KCNH7: variants seen among roughly 807,000 people sequenced by gnomAD.
KCNH7 encodes the protein potassium voltage-gated channel subfamily H member 7, also known as voltage-gated inwardly rectifying potassium channel KCNH7.
KCNH7 carries 49 observed loss-of-function variants against 120.8 expected under a neutral mutation model. That is an observed-to-expected ratio of 0.41 (90% CI 0.32 to 0.51). The LOEUF (loss-of-function observed/expected upper bound fraction) is 0.51, where lower values mean the gene tolerates loss of function less well. Ranked by LOEUF, KCNH7 falls within the 20% of genes least tolerant of loss-of-function variation. The pLI, the probability that KCNH7 is intolerant of heterozygous loss-of-function variation, is 0.38. For missense variants in KCNH7, 1,097 were observed against 1,446.6 expected, an observed-to-expected ratio of 0.76 and a Z score of 3.92; for synonymous variants, 547 against 516.1, an observed-to-expected ratio of 1.06 and a Z score of -0.81.
intron 2 of KCNH7, among the ~76,000 whole-genome samples, chr2:162,790,121 TTAAA>T (rs1355546504): frequency 1.3e-5 from 2 of 150,714 alleles, no homozygotes; most frequent in African/African-American, 4.9e-5. Context: ...AAGAGATGAC[TTAAA>T]TAAAATCATA....
intron 2 of KCNH7, among the ~76,000 whole-genome samples, chr2:162,798,592 C>T (rs558089660): frequency 1.3e-5 from 2 of 152,044 alleles, no homozygotes; most frequent in African/African-American, 4.8e-5. Flanking sequence ...AATTTTGGCT[C>T]AAATCAATAT....
At chr2:162,635,406 G>C (rs1301791774) in intron 2 of KCNH7, among the ~76,000 whole-genome samples, 1 of 151,994 alleles carries the variant, frequency 6.6e-6, no homozygotes, top group East Asian at 1.9e-4. Flanking sequence ...TTTCCCTATA[G>C]AACTGTTGCC....
intron 6 of KCNH7, among the ~76,000 whole-genome samples, chr2:162,450,819 G>T (rs1210576583): frequency 6.6e-6 from 1 of 151,978 alleles, no homozygotes; most frequent in Non-Finnish European, 1.5e-5. Flanking sequence ...ATCAAGACCA[G>T]ATACTTAGAG....
chr2:162,556,410 G>A (rs982210687), intron 2 of KCNH7, among the ~76,000 whole-genome samples: 2 of 152,110 alleles, frequency 1.3e-5, no homozygotes, highest in African/African-American at 4.8e-5. Flanking sequence ...AACACTAGCT[G>A]AGATGTGACT....
chr2:162,647,809 A>T (rs1684420599), intron 2 of KCNH7, among the ~76,000 whole-genome samples: 1 of 152,166 alleles, frequency 6.6e-6, no homozygotes, highest in South Asian at 2.1e-4. Flanking sequence ...ATAACAGACT[A>T]ATACATATCC....
intron 2 of KCNH7, among the ~76,000 whole-genome samples, chr2:162,579,482 T>G (rs1382851504): frequency 1.3e-5 from 2 of 152,086 alleles, no homozygotes; most frequent in Non-Finnish European, 2.9e-5. Context: ...ATGAAACTTC[T>G]GTTTTCCTCA....
At chr2:162,635,671 G>A (rs371997699) in intron 2 of KCNH7, among the ~76,000 whole-genome samples, 1 of 151,990 alleles carries the variant, frequency 6.6e-6, no homozygotes, top group East Asian at 1.9e-4. Flanking sequence ...TGTCTTTGTT[G>A]CCTAATGAAA....
intron 2 of KCNH7, among the ~76,000 whole-genome samples, chr2:162,734,707 T>A (rs565708103): frequency 1.5e-4 from 22 of 151,302 alleles, no homozygotes; most frequent in Non-Finnish European, 2.1e-4. Context: ...TTTTTTTTTT[T>A]AATTTCAAAA....
intron 2 of KCNH7, among the ~76,000 whole-genome samples, chr2:162,746,110 A>G (rs1297718279): frequency 6.6e-6 from 1 of 152,130 alleles, no homozygotes; most frequent in Non-Finnish European, 1.5e-5. Context: ...AAAAATAAGT[A>G]TAAAACAATT....
chr2:162,392,229 T>TA (rs962279504), intron 12 of KCNH7, among the ~76,000 whole-genome samples: 5 of 151,968 alleles, frequency 3.3e-5, no homozygotes, highest in South Asian at 2.1e-4. Context: ...TTGACTTTGA[T>TA]AAAAAAAGTA....
chr2:162,690,196 A>G (rs1199158920), intron 2 of KCNH7, among the ~76,000 whole-genome samples: 1 of 152,148 alleles, frequency 6.6e-6, no homozygotes, highest in African/African-American at 2.4e-5. Flanking sequence ...ACTTGGACAC[A>G]TAGAGGGAAA....
At chr2:162,481,206 C>T (rs748733958) in intron 6 of KCNH7, among the ~76,000 whole-genome samples, 2 of 152,106 alleles carry the variant, frequency 1.3e-5, no homozygotes, top group Non-Finnish European at 2.9e-5. Flanking sequence ...ACCACTGTAA[C>T]CAGAGTTTGT....
At chr2:162,448,177 G>A (rs908139781) in intron 6 of KCNH7, among the ~76,000 whole-genome samples, 1 of 151,998 alleles carries the variant, frequency 6.6e-6, no homozygotes, top group Non-Finnish European at 1.5e-5. Context: ...AAATCCAAAC[G>A]GGAGTAATTA....
intron 2 of KCNH7, among the ~76,000 whole-genome samples, chr2:162,831,221 A>G (rs1192895053): frequency 1.3e-5 from 2 of 152,108 alleles, no homozygotes; most frequent in Non-Finnish European, 2.9e-5. Context: ...AGATGGTTGT[A>G]CCCACTATTT....
At chr2:162,566,448 T>A (rs1408952002) in intron 2 of KCNH7, among the ~76,000 whole-genome samples, 1 of 152,054 alleles carries the variant, frequency 6.6e-6, no homozygotes, top group Admixed American at 6.6e-5. Context: ...CTCAGTTCCA[T>A]GTGGTCTATC....
At chr2:162,553,651 A>G (rs1692759045) in intron 2 of KCNH7, among the ~76,000 whole-genome samples, 1 of 152,034 alleles carries the variant, frequency 6.6e-6, no homozygotes. Context: ...TGTCTCAAAA[A>G]AAGAAAAGAA....
chr2:162,384,903 G>A lies in KCNH7; in HGVS notation c.2747C>T (p.Thr916Ile). 2 of 1,611,728 alleles carry A rather than the reference G, an allele frequency of 1.2e-6. No homozygotes were observed. Among genetic ancestry groups the A allele is most frequent in the Non-Finnish European group, 1.7e-6 (2 of 1,178,438 alleles). The stretch of plus-strand genomic sequence containing the variant: ...CTTGGAACTCTGATAATGTCTTATG[G>A]TATCTGCAGAGTCTTCAGGATCATT... ...STNDPEDSAD[T>I]IRHYQSSKRH... Residue 916 changes from threonine (T) to isoleucine (I), a missense_variant, in exon 13 of 16, where the codon ACC (threonine) becomes ATC (isoleucine). Coordinates refer to ENST00000332142, the MANE Select transcript of KCNH7 (RefSeq NM_033272.4).
intron 2 of KCNH7, among the ~76,000 whole-genome samples, chr2:162,763,877 AT>A (rs1689054002): frequency 6.6e-6 from 1 of 151,616 alleles, no homozygotes; most frequent in Non-Finnish European, 1.5e-5. Flanking sequence ...AAATTTAGCT[AT>A]TTTGCCTTTG....
intron 2 of KCNH7, among the ~76,000 whole-genome samples, chr2:162,725,280 A>G (rs1320807514): frequency 5.9e-5 from 9 of 151,972 alleles, no homozygotes. Context: ...ATAGTATCAC[A>G]TTGATAAAAA....
Sources: gnomAD v4.1 joint callset for allele counts (sites outside exome capture counted in the v4.1 genomes callset) on GRCh38, gnomAD v4.1.1 for gene constraint, MANE v1.5 for transcripts, NCBI Gene and HGNC (gene_info 2026-07-23, HGNC 2026-07-21) for gene names.